TLE7: variants seen among roughly 807,000 people sequenced by gnomAD.
The protein encoded by TLE7 is transducin-like enhancer protein 7.
At chr16:71,439,078 A>G (rs2042837839) in intron 1 of TLE7, among the ~76,000 whole-genome samples, 1 of 152,116 alleles carries the variant, frequency 6.6e-6, no homozygotes, top group Non-Finnish European at 1.5e-5. Flanking sequence ...CTGGGCACTG[A>G]GGAGATGAGG....
At chr16:71,438,848 G>A (rs2042836969) in intron 1 of TLE7, among the ~76,000 whole-genome samples, 3 of 152,208 alleles carry the variant, frequency 2.0e-5, no homozygotes, top group East Asian at 1.9e-4. Flanking sequence ...TGGATAGAGG[G>A]ACCCAGCTTG....
At chr16:71,437,276 G>A (rs1217616311) in intron 1 of TLE7, among the ~76,000 whole-genome samples, 6 of 151,136 alleles carry the variant, frequency 4.0e-5, no homozygotes, top group Non-Finnish European at 8.9e-5. Context: ...TTGAATCTGG[G>A]AGGTGGAGGC....
rs755877419 is a variant in TLE7, at chr16:71,432,867, C to T, written c.334+3G>A. The T allele has an allele frequency of 1.5e-5, 6 of 398,842 alleles. No individual in the cohort carries two copies. The highest frequency in any genetic ancestry group is 2.7e-5 in the Non-Finnish European group (6 of 226,362). The allele number at this position is 398,842 out of a possible 1,614,324, so 24.7% of individuals were successfully genotyped here. ...CACACGCACCACTATGACTGGTACT[C>T]ACCAACCTCAGAACCCAGTAGGAAG... On this transcript the variant is annotated splice_donor_region_variant and intron_variant, in intron 3 of 9. Coordinates refer to ENST00000561754, the MANE Select transcript of TLE7 (RefSeq NM_001367365.2).
At chr16:71,441,604 A>C (rs935338100) in intron 1 of TLE7, among the ~76,000 whole-genome samples, 1 of 152,184 alleles carries the variant, frequency 6.6e-6, no homozygotes, top group Admixed American at 6.5e-5. Context: ...GAAAGCGGGC[A>C]GGGGTGCAGC....
chr16:71,439,756 C>A (rs1178425566), intron 1 of TLE7, among the ~76,000 whole-genome samples: 3 of 152,178 alleles, frequency 2.0e-5, no homozygotes, highest in Admixed American at 6.5e-5. Context: ...GAAATTGGAA[C>A]CCTCCTACGT....
Position 71,433,023 on chromosome 16 carries a change from G to C in TLE7, c.302C>G (p.Ser101Cys). ...PDAQPGEAAE[S>C]SPSFLLGSEV... is the part of the protein sequence containing the mutation. ...TTCAAGCAAGACCTGCCTTGGGCTG[G>C]ACTCTGCTGCTTCTCCTGGTTGTGC... The change falls in exon 2 of 10, where the codon TCC (serine) becomes TGC (cysteine). Residue 101 changes from serine to cysteine, a missense_variant. Transcript: ENST00000561754. The C allele has an allele frequency of 2.5e-6, 1 of 398,794 alleles. No individual in the cohort carries two copies. Among genetic ancestry groups the C allele is most frequent in the East Asian group, 3.6e-5 (1 of 28,090 alleles). 24.7% of individuals were successfully genotyped at this position (398,794 alleles called of 1,614,324 possible).
intron 9 of TLE7, 29 bp from the exon 10 acceptor site, chr16:71,430,395 A>T (rs150790715): frequency 0.013 from 5,142 of 398,810 alleles, 45 homozygotes; most frequent in Non-Finnish European, 0.018. Context: ...CAAAACAGGG[A>T]TCACATTTGG....
chr16:71,433,687 C>T (rs186359357), intron 1 of TLE7, among the ~76,000 whole-genome samples: 7 of 152,312 alleles, frequency 4.6e-5, no homozygotes, highest in Admixed American at 3.9e-4. Context: ...CTGCCGGGCA[C>T]GGTGGCTCAC....
intron 1 of TLE7, among the ~76,000 whole-genome samples, chr16:71,439,986 G>A (rs1260487973): frequency 2.0e-5 from 3 of 152,226 alleles, no homozygotes; most frequent in Non-Finnish European, 4.4e-5. Flanking sequence ...GGATCAAAAT[G>A]TGGTGTAAAT....
chr16:71,434,154 G>GCCTCC, intron 1 of TLE7, among the ~76,000 whole-genome samples: 1 of 152,176 alleles, frequency 6.6e-6, no homozygotes, highest in Admixed American at 6.5e-5. Flanking sequence ...ATCTAATGAT[G>GCCTCC]AAGTTGGCTT....
intron 1 of TLE7, among the ~76,000 whole-genome samples, chr16:71,438,962 G>A (rs1199356331): frequency 6.6e-6 from 1 of 152,148 alleles, no homozygotes; most frequent in Non-Finnish European, 1.5e-5. Flanking sequence ...TCCACGCAGA[G>A]AAAGCAAACA....
rs745724878 is a variant in TLE7 at position 71,433,124 on chromosome 16, T to C, written c.201A>G (p.Thr67=). Residue 67 remains threonine, a synonymous_variant, in exon 2 of 10, where the codon ACA becomes ACG. Transcript: ENST00000561754. ...PIQHSPADQE[T]STVTQQQWHL... is the part of the protein sequence containing the mutation. The stretch of plus-strand genomic sequence containing the variant: ...GCCACTGCTGCTGGGTCACCGTGCT[T>C]GTCTCTTGATCAGCAGGGCTGTGCT... 8 of 398,642 alleles carry C rather than the reference T, an allele frequency of 2.0e-5. No individual in the cohort carries two copies. The highest frequency in any genetic ancestry group is 3.5e-5 in the Non-Finnish European group (8 of 226,190). The allele number at this position is 398,642 out of a possible 1,614,324, so 24.7% of individuals were successfully genotyped here. A position where few individuals can be genotyped will look rare whatever the true frequency, so the allele number is the denominator to read the frequency against.
chr16:71,436,303 G>A (rs1016430417), intron 1 of TLE7, among the ~76,000 whole-genome samples: 1 of 152,136 alleles, frequency 6.6e-6, no homozygotes, highest in African/African-American at 2.4e-5. Context: ...CGGTGCTGCT[G>A]CTTTTAAACG....
intron 1 of TLE7, among the ~76,000 whole-genome samples, chr16:71,438,440 AAGAG>A (rs57186187): frequency 7.6e-6 from 1 of 131,438 alleles, no homozygotes; most frequent in South Asian, 2.2e-4. Flanking sequence ...AAAAAAAAAA[AAGAG>A]AGAGAGAAAG....
chr16:71,434,451 C>T (rs1368822302), intron 1 of TLE7, among the ~76,000 whole-genome samples: 1 of 152,080 alleles, frequency 6.6e-6, no homozygotes, highest in African/African-American at 2.4e-5. Context: ...CAAGACAATG[C>T]GCGGGGAAAG....
intron 1 of TLE7, among the ~76,000 whole-genome samples, chr16:71,439,084 T>C (rs1870613027): frequency 1.3e-5 from 2 of 152,100 alleles, no homozygotes; most frequent in Non-Finnish European, 2.9e-5. Flanking sequence ...ACTGAGGAGA[T>C]GAGGCTGGGC....
chr16:71,436,908 T>A (rs2042828428), intron 1 of TLE7, among the ~76,000 whole-genome samples: 1 of 152,204 alleles, frequency 6.6e-6, no homozygotes, highest in Non-Finnish European at 1.5e-5. Context: ...GTTAAAAGTG[T>A]GGTGGACCCA....
At position 71,431,772 on chromosome 16, in the gene TLE7, T is replaced by C. The variant is rs2042805068; in HGVS notation, c.840A>G (p.Gln280=). ...GAGAGAGGTCATACCTGATCAAGAT[T>C]TGGTTCTGCAAATCCCAAATCTCAA... is the stretch of plus-strand genomic sequence containing the variant. ...GFVEIWDLQN[Q]ILIRKHEVPV... Residue 280 remains glutamine (Q), a synonymous_variant, in exon 6 of 10, where the codon CAA becomes CAG. Coordinates refer to ENST00000561754, the MANE Select transcript of TLE7 (RefSeq NM_001367365.2). The surrounding 1 kb of genome is among the most constrained non-coding windows in gnomAD (Gnocchi z 4.5). The C allele has an allele frequency of 2.5e-6, 1 of 400,572 alleles. No individual in the cohort carries two copies. The allele number at this position is 400,572 out of a possible 1,614,324, so 24.8% of individuals were successfully genotyped here.
At chr16:71,434,015 C>G (rs753479739) in intron 1 of TLE7, among the ~76,000 whole-genome samples, 1 of 152,110 alleles carries the variant, frequency 6.6e-6, no homozygotes, top group Non-Finnish European at 1.5e-5. Context: ...AGGGCTCATA[C>G]CTAAGCTAAA....
Sources: allele counts gnomAD v4.1 joint callset (sites outside exome capture counted in the v4.1 genomes callset), GRCh38; gene constraint gnomAD v4.1.1; non-coding constraint Gnocchi (gnomAD v3.1); transcripts MANE v1.5; gene names NCBI Gene and HGNC (gene_info 2026-07-23, HGNC 2026-07-21).